The following ALDH1A2 variants were observed in gnomAD, a reference collection of about 807,000 sequenced individuals.
ALDH1A2 encodes retinal dehydrogenase 2.
A neutral mutation model predicts 60.3 loss-of-function variants in ALDH1A2; 27 were observed. The observed-to-expected ratio is 0.45, with a 90% CI of 0.33 to 0.62. ALDH1A2 has a LOEUF of 0.62. Among genes scored for constraint, ALDH1A2 ranks in the 20% least tolerant of loss-of-function variants. The probability of loss-of-function intolerance (pLI) is 0.02; values close to 1 mark genes in which losing one functional copy is unlikely to be tolerated. For synonymous variants in ALDH1A2, 289 were observed against 232.4 expected, an observed-to-expected ratio of 1.24 and a Z score of -2.21; for missense variants, 581 against 643.8, an observed-to-expected ratio of 0.90 and a Z score of 1.06.
chr15:58,007,788 C>A, intron 4 of ALDH1A2, among the ~76,000 whole-genome samples: 1 of 135,268 alleles, frequency 7.4e-6, no homozygotes, highest in Non-Finnish European at 1.6e-5. Flanking sequence ...ATATTCCAGA[C>A]TTCACTGTGA....
At chr15:58,061,355 A>T (rs533552695) in intron 1 of ALDH1A2, among the ~76,000 whole-genome samples, 197 of 152,092 alleles carry the variant, frequency 1.3e-3, no homozygotes, top group Admixed American at 3.0e-3. Flanking sequence ...AATCTTAAGT[A>T]AAGGTTTGGA....
At chr15:57,988,322 G>A (rs1330313189) in intron 7 of ALDH1A2, among the ~76,000 whole-genome samples, 2 of 152,100 alleles carry the variant, frequency 1.3e-5, no homozygotes, top group Non-Finnish European at 2.9e-5. Flanking sequence ...TTAAAAAGAG[G>A]TACAGCTAAT....
intron 1 of ALDH1A2, among the ~76,000 whole-genome samples, chr15:58,049,358 C>A (rs1238282112): frequency 2.6e-5 from 4 of 152,050 alleles, no homozygotes; most frequent in Non-Finnish European, 4.4e-5. Flanking sequence ...TCAATTTTCT[C>A]ATTTGTACAA....
intron 8 of ALDH1A2, 150 bp downstream of exon 8, chr15:57,965,575 A>G (rs1893867179): frequency 2.8e-6 from 2 of 716,122 alleles, no homozygotes; most frequent in African/African-American, 1.8e-5. Flanking sequence ...CTCTTTCCCC[A>G]TTATTAAACC....
intron 7 of ALDH1A2, among the ~76,000 whole-genome samples, chr15:57,984,157 C>T (rs1406478076): frequency 1.3e-5 from 2 of 152,186 alleles, no homozygotes; most frequent in African/African-American, 4.8e-5. Context: ...GGGTGTGACT[C>T]TCAGCCCTAC....
intron 1 of ALDH1A2, among the ~76,000 whole-genome samples, chr15:58,027,672 A>G (rs1351347600): frequency 2.6e-5 from 4 of 152,166 alleles, no homozygotes; most frequent in African/African-American, 9.7e-5. Flanking sequence ...ATGAATGGCT[A>G]ACTAGAATAA....
At chr15:57,978,446 T>G (rs117315463) in intron 7 of ALDH1A2, among the ~76,000 whole-genome samples, 2,138 of 152,346 alleles carry the variant, frequency 0.014, 25 homozygotes, top group African/African-American at 0.033. Flanking sequence ...GAGATAATCA[T>G]GTGGTTTTTG....
rs548153109 is a variant in ALDH1A2 at position 57,993,931 on chromosome 15, G to C, written c.556-858C>G. 1.6e-4 allele frequency among the ~76,000 whole-genome samples: 24 copies of C among 152,328 alleles called. No individual in the cohort carries two copies. The South Asian group carries it at 4.6e-3, about 29-fold the overall frequency. On this transcript the variant is annotated intron_variant, in intron 5 of 12. Coordinates refer to ENST00000249750, the MANE Select transcript of ALDH1A2 (RefSeq NM_003888.4). ...CTGGCAAGCTTGCAAAAATATACAA[G>C]TGTCTTGCCTTCACCAAACACCCAA...
chr15:58,003,827 G>C (rs1319016813), intron 4 of ALDH1A2, among the ~76,000 whole-genome samples: 2 of 151,816 alleles, frequency 1.3e-5, no homozygotes, highest in Non-Finnish European at 2.9e-5. Flanking sequence ...GTGTTCCATA[G>C]GTCATAGTAA....
chr15:58,062,766 T>C (rs1385617897), intron 1 of ALDH1A2, among the ~76,000 whole-genome samples: 2 of 152,206 alleles, frequency 1.3e-5, no homozygotes, highest in African/African-American at 4.8e-5. Context: ...ATTAGGGAAA[T>C]ACAAATAGAC....
intron 1 of ALDH1A2, among the ~76,000 whole-genome samples, chr15:58,023,510 G>C (rs1324868765): frequency 6.6e-6 from 1 of 152,116 alleles, no homozygotes; most frequent in Non-Finnish European, 1.5e-5. Flanking sequence ...CAGACTGTCT[G>C]AAGTCAATGA....
At chr15:58,041,213 TACA>T (rs1391915514) in intron 1 of ALDH1A2, among the ~76,000 whole-genome samples, 1 of 151,948 alleles carries the variant, frequency 6.6e-6, no homozygotes, top group African/African-American at 2.4e-5. Flanking sequence ...ATAACATTTA[TACA>T]ACACCACCAT....
chr15:57,999,594 T>C (rs1364927358), intron 4 of ALDH1A2, among the ~76,000 whole-genome samples: 8 of 151,606 alleles, frequency 5.3e-5, no homozygotes, highest in Admixed American at 3.3e-4. Flanking sequence ...TCCCACTTTG[T>C]TTACATTCCC....
At chr15:57,972,293 G>A (rs1338178733) in intron 7 of ALDH1A2, among the ~76,000 whole-genome samples, 1 of 152,094 alleles carries the variant, frequency 6.6e-6, no homozygotes, top group Non-Finnish European at 1.5e-5. Context: ...CCTGGGAATT[G>A]GTTCCCCTTT....
Position 57,955,072 on chromosome 15 carries a change from T to G in ALDH1A2, c.*125A>C. On this transcript the variant is annotated 3_prime_UTR_variant, in exon 13 of 13. Coordinates refer to ENST00000249750, the MANE Select transcript of ALDH1A2 (RefSeq NM_003888.4). Reference sequence around the variant, plus strand: ...TGTGCAGTGACCTGCCTGGCCTACATGTTATCTTTTCAATCTTTAAGTAAG... The same window carrying G: ...TGTGCAGTGACCTGCCTGGCCTACAGGTTATCTTTTCAATCTTTAAGTAAG... The G allele has an allele frequency of 3.7e-6, 4 of 1,074,908 alleles. No individual in the cohort carries two copies. Among genetic ancestry groups the G allele is most frequent in the Non-Finnish European group, 4.3e-6 (3 of 690,214 alleles). The allele number at this position is 1,074,908 out of a possible 1,614,324, so 66.6% of individuals were successfully genotyped here. A position where few individuals can be genotyped will look rare whatever the true frequency, so the allele number is the denominator to read the frequency against.
intron 7 of ALDH1A2, among the ~76,000 whole-genome samples, chr15:57,983,960 G>A (rs1245598918): frequency 6.6e-6 from 1 of 152,214 alleles, no homozygotes; most frequent in African/African-American, 2.4e-5. Context: ...CAATTTTGAA[G>A]TGAATTTTAG....
At chr15:58,049,960 G>C (rs967193180) in intron 1 of ALDH1A2, among the ~76,000 whole-genome samples, 17 of 152,086 alleles carry the variant, frequency 1.1e-4, no homozygotes, top group Non-Finnish European at 2.5e-4. Flanking sequence ...CTGTTCATTT[G>C]CAAATGGAAG....
At chr15:58,047,353 G>C (rs187007256) in intron 1 of ALDH1A2, among the ~76,000 whole-genome samples, 99 of 152,012 alleles carry the variant, frequency 6.5e-4, no homozygotes, top group Admixed American at 1.0e-3. Context: ...TTCCTCATAA[G>C]AGAGTACCAG....
chr15:58,027,524 G>A (rs1896113043), intron 1 of ALDH1A2, among the ~76,000 whole-genome samples: 1 of 152,144 alleles, frequency 6.6e-6, no homozygotes, highest in Non-Finnish European at 1.5e-5. Flanking sequence ...ACCAGCAATG[G>A]AACAAAACTG....
Sources: allele counts gnomAD v4.1 joint callset (sites outside exome capture counted in the v4.1 genomes callset), GRCh38; gene constraint gnomAD v4.1.1; transcripts MANE v1.5; gene names NCBI Gene and HGNC (gene_info 2026-07-23, HGNC 2026-07-21).